Variants in HAS3 observed in about 807,000 individuals in gnomAD.
HAS3 encodes the protein HA synthase 3.
Under a neutral mutation model 50.3 loss-of-function variants are expected in HAS3, and 27 were observed. That is an observed-to-expected ratio of 0.54 (90% CI 0.40 to 0.74). The LOEUF (loss-of-function observed/expected upper bound fraction) is 0.74, where lower values mean the gene tolerates loss of function less well. Among genes scored for constraint, HAS3 ranks in the 30% least tolerant of loss-of-function variants. The pLI, the probability that HAS3 is intolerant of heterozygous loss-of-function variation, is 0.00. For missense variants in HAS3, 517 were observed against 742.8 expected (o/e 0.70, Z 3.53); for synonymous variants, 339 against 310.9 (o/e 1.09, Z -0.95).
the HAS3 span, among the ~76,000 whole-genome samples, chr16:69,095,790 A>C: frequency 6.6e-6 from 1 of 152,154 alleles, no homozygotes; most frequent in East Asian, 1.9e-4. Context: ...ACCGATGGGA[A>C]TGGCCCCTAC....
chr16:69,104,992 G>GGTTTTTTTTTTTTT, upstream of HAS3, among the ~76,000 whole-genome samples: 1 of 81,958 alleles, frequency 1.2e-5, no homozygotes. Flanking sequence ...CTGTTTTTTG[G>GGTTTTTTTTTTTTT]TTTTTTTTTT....
At chr16:69,111,731 T>C (rs1320020227) in intron 2 of HAS3, among the ~76,000 whole-genome samples, 2 of 152,186 alleles carry the variant, frequency 1.3e-5, no homozygotes, top group African/African-American at 4.8e-5. Flanking sequence ...TTGACTGCAG[T>C]TCACCTGGGG....
rs780022518 is a variant in HAS3 at position 69,109,347 on chromosome 16, G to C, written c.1-49G>C. On this transcript the variant is annotated intron_variant, in intron 1 of 3. Coordinates refer to ENST00000569188, the MANE Select transcript of HAS3 (RefSeq NM_001199280.2). The surrounding 1 kb of genome is among the most constrained non-coding windows in gnomAD (Gnocchi z 5.3). ...AGAACACCCATGCTCCCACGGACTGGAAATGCTGCCTCCTGCCTGACCCTT... is the reference window on the plus strand; with the variant it reads ...AGAACACCCATGCTCCCACGGACTGCAAATGCTGCCTCCTGCCTGACCCTT... 6.4e-7 allele frequency: 1 copy of C among 1,553,972 alleles called. No individual in the cohort carries two copies. Among genetic ancestry groups the C allele is most frequent in the South Asian group, 1.2e-5 (1 of 82,582 alleles).
At chr16:69,110,214 G>C (rs1056868248) in intron 2 of HAS3, among the ~76,000 whole-genome samples, 183 bp downstream of exon 2, 1 of 152,202 alleles carries the variant, frequency 6.6e-6, no homozygotes, top group African/African-American at 2.4e-5. Context: ...CACTTTGGGG[G>C]GCCGAGGCGG....
Position 69,115,407 on chromosome 16 carries a change from G to GA in HAS3, c.*143dup. ...CCAAAGGACAAATCTAAAATGCAAA[G>GA]AACGGTGATGTAGTATGGCCTGACA... is the stretch of plus-strand genomic sequence containing the variant. On this transcript the variant is annotated 3_prime_UTR_variant, in exon 4 of 4. Transcript: ENST00000569188. 1 of 1,387,370 alleles carries GA rather than the reference G, an allele frequency of 7.2e-7. No individual in the cohort carries two copies. The highest frequency in any genetic ancestry group is 9.3e-7 in the Non-Finnish European group (1 of 1,075,304). The allele number at this position is 1,387,370 out of a possible 1,614,324, so 85.9% of individuals were successfully genotyped here.
At position 69,116,627 on chromosome 16, in the gene HAS3, A is replaced by T; in HGVS notation, c.*1361A>T. On this transcript the variant is annotated 3_prime_UTR_variant, in exon 4 of 4. Transcript: ENST00000569188. ...TTTCCAGAAACCAAACTAGGAGATGAAACTGGTTCCTACATCCTAAGGTTC... is the reference window on the plus strand; with the variant it reads ...TTTCCAGAAACCAAACTAGGAGATGTAACTGGTTCCTACATCCTAAGGTTC... The T allele has an allele frequency of 1.0e-6, 1 of 985,450 alleles. No individual in the cohort carries two copies. Among genetic ancestry groups the T allele is most frequent in the Non-Finnish European group, 1.2e-6 (1 of 829,854 alleles). The allele number at this position is 985,450 out of a possible 1,614,324, so 61.0% of individuals were successfully genotyped here.
At chr16:69,083,757 T>C in the HAS3 span, 1 of 1,351,216 alleles carries the variant, frequency 7.4e-7, no homozygotes, top group Non-Finnish European at 1.0e-6. Context: ...TCTTGAGTGC[T>C]GGCAGCATGG....
In HAS3 at chr16:69,114,978, T is replaced by C. The variant is rs368103415; in HGVS notation, c.1374T>C (p.Ile458=). The C allele has an allele frequency of 1.2e-6, 2 of 1,614,162 alleles. No homozygotes were observed. Among genetic ancestry groups the C allele is most frequent in the African/African-American group, 1.3e-5 (1 of 75,044 alleles). ...TTCTGCCGGCCAAGATCTTTGCCAT[T>C]GCTACCATCAACAAATCTGGCTGGG... is the stretch of plus-strand genomic sequence containing the variant. The part of the protein sequence containing the change: ...SSLLPAKIFA[I]ATINKSGWGT... Residue 458 remains isoleucine (I), a synonymous_variant, in exon 4 of 4, where the codon ATT becomes ATC. Coordinates refer to ENST00000569188, the MANE Select transcript of HAS3 (RefSeq NM_001199280.2). The surrounding 1 kb of genome is among the most constrained non-coding windows in gnomAD (Gnocchi z 6.4).
At position 69,109,615 on chromosome 16, in the gene HAS3, G is replaced by T. The variant is rs139411224; in HGVS notation, c.220G>T (p.Gly74Cys). Reference protein sequence around the residue: ...FLEHRRMRRAGQALKLPSPRR... With the variant: ...FLEHRRMRRACQALKLPSPRR... ...GGAGCACCGGCGCATGCGACGTGCCGGCCAGGCCCTGAAGCTGCCCTCCCC... is the reference window on the plus strand; with the variant it reads ...GGAGCACCGGCGCATGCGACGTGCCTGCCAGGCCCTGAAGCTGCCCTCCCC... Residue 74 changes from glycine (G) to cysteine (C), a missense_variant, in exon 2 of 4, where the codon GGC (glycine) becomes TGC (cysteine). Gly to Cys is a radical substitution (Grantham distance 159). Coordinates refer to ENST00000569188, the MANE Select transcript of HAS3 (RefSeq NM_001199280.2). This position sits in a 1 kb window ranked among gnomAD's most constrained non-coding sequence, Gnocchi z 5.3. 45 of 1,611,788 alleles carry T rather than the reference G, an allele frequency of 2.8e-5. No individual in the cohort carries two copies. In the South Asian group the frequency reaches 4.2e-4, roughly 15 times the overall value.
the HAS3 span, among the ~76,000 whole-genome samples, chr16:69,091,209 CG>C: frequency 6.6e-6 from 1 of 152,054 alleles, no homozygotes; most frequent in Non-Finnish European, 1.5e-5. Context: ...AATAGTGCCC[CG>C]CATCATTTTT....
At position 69,115,132 on chromosome 16, in the gene HAS3, C is replaced by G. The variant is rs150339274; in HGVS notation, c.1528C>G (p.Leu510Val). 1 of 1,610,242 alleles carries G rather than the reference C, an allele frequency of 6.2e-7. No homozygotes were observed. Reference protein sequence around the residue: ...YCQDLFSETELAFLVSGAILY... With the variant: ...YCQDLFSETEVAFLVSGAILY... ...CCAGGACCTGTTCAGTGAGACAGAG[C>G]TAGCCTTCCTTGTCTCTGGGGCTAT... Residue 510 changes from leucine to valine, a missense_variant, in exon 4 of 4, where the codon CTA (leucine) becomes GTA (valine). Transcript: ENST00000569188.
chr16:69,094,502 G>A, the HAS3 span, among the ~76,000 whole-genome samples: 1 of 152,206 alleles, frequency 6.6e-6, no homozygotes, highest in East Asian at 1.9e-4. Flanking sequence ...GCTGTTCCAA[G>A]ATTTCAAAGG....
upstream of HAS3, among the ~76,000 whole-genome samples, chr16:69,101,720 A>T (rs1960698577): frequency 6.6e-6 from 1 of 150,946 alleles, no homozygotes; most frequent in East Asian, 1.9e-4. Context: ...AAATCCTCAA[A>T]CTCCTCATGT....
At chr16:69,092,476 A>C in the HAS3 span, among the ~76,000 whole-genome samples, 1 of 151,842 alleles carries the variant, frequency 6.6e-6, no homozygotes, top group African/African-American at 2.4e-5. Context: ...GGTGGTATGC[A>C]TCAGTAGCCC....
At chr16:69,093,712 T>TA in the HAS3 span, among the ~76,000 whole-genome samples, 1 of 151,832 alleles carries the variant, frequency 6.6e-6, no homozygotes, top group African/African-American at 2.4e-5. Context: ...GTATTTTTAG[T>TA]AGAGACGGGG....
Position 69,115,207 on chromosome 16 carries a change from A to G in HAS3, c.1603A>G (p.Ile535Val). 10 of 1,552,172 alleles carry G rather than the reference A, an allele frequency of 6.4e-6. No homozygotes were observed. Among genetic ancestry groups the G allele is most frequent in the South Asian group, 1.2e-5 (1 of 80,262 alleles). Reference protein sequence around the residue: ...VALLMLYLAIIARRCGKKPEQ... With the variant: ...VALLMLYLAIVARRCGKKPEQ... Reference sequence around the variant, plus strand: ...CCTCCTCATGCTATATCTGGCCATCATCGCCCGGCGATGTGGGAAGAAGCC... The same window carrying G: ...CCTCCTCATGCTATATCTGGCCATCGTCGCCCGGCGATGTGGGAAGAAGCC... Residue 535 changes from isoleucine (I) to valine (V), a missense_variant, in exon 4 of 4, where the codon ATC becomes GTC. By Grantham distance (29) the Ile-to-Val change is conservative. Coordinates refer to ENST00000569188, the MANE Select transcript of HAS3 (RefSeq NM_001199280.2).
Position 69,115,312 on chromosome 16 carries a change from G to T in HAS3, c.*46G>T, listed in dbSNP as rs1192057768. 3 of 1,490,104 alleles carry T rather than the reference G, an allele frequency of 2.0e-6. No homozygotes were observed. The highest frequency in any genetic ancestry group is 4.6e-5 in the East Asian group (2 of 43,564). The allele number at this position is 1,490,104 out of a possible 1,614,324, so 92.3% of individuals were successfully genotyped here. A position where few individuals can be genotyped will look rare whatever the true frequency, so the allele number is the denominator to read the frequency against. The stretch of plus-strand genomic sequence containing the variant: ...GGTAAAGTGCAATGGGTAAGGGAGG[G>T]AAGGGGAATGGAAGAGAAAAGACAG... On this transcript the variant is annotated 3_prime_UTR_variant, in exon 4 of 4. Transcript: ENST00000569188.
At position 69,109,949 on chromosome 16, in the gene HAS3, G is replaced by C; in HGVS notation, c.554G>C (p.Cys185Ser). 4 of 1,614,102 alleles carry C rather than the reference G, an allele frequency of 2.5e-6. No homozygotes were observed. The highest frequency in any genetic ancestry group is 3.4e-6 in the Non-Finnish European group (4 of 1,180,008). ...RDVVRASTFS[C>S]IMQKWGGKRE... ...GTGGTGCGGGCCAGCACCTTCTCGT[G>C]CATCATGCAGAAGTGGGGAGGCAAG... is the stretch of plus-strand genomic sequence containing the variant. Residue 185 changes from cysteine (C) to serine (S), a missense_variant, in exon 2 of 4, where the codon TGC becomes TCC. Coordinates refer to ENST00000569188, the MANE Select transcript of HAS3 (RefSeq NM_001199280.2). The surrounding 1 kb of genome is among the most constrained non-coding windows in gnomAD (Gnocchi z 5.3).
At chr16:69,111,609 CTTT>C (rs1463179957) in intron 2 of HAS3, among the ~76,000 whole-genome samples, 2 of 152,182 alleles carry the variant, frequency 1.3e-5, no homozygotes, top group East Asian at 1.9e-4. Flanking sequence ...GCGTGTCTGG[CTTT>C]TTTGACAGTT....
Sources: gnomAD v4.1 joint callset for allele counts (sites outside exome capture counted in the v4.1 genomes callset) on GRCh38, gnomAD v4.1.1 for gene constraint, Gnocchi (gnomAD v3.1) non-coding constraint, MANE v1.5 for transcripts, NCBI Gene and HGNC (gene_info 2026-07-23, HGNC 2026-07-21) for gene names.